The following SNTG1 variants were observed in gnomAD, a reference collection of about 807,000 sequenced individuals.
SNTG1 encodes gamma-1-syntrophin.
SNTG1 carries 39 observed loss-of-function variants against 74.7 expected under a neutral mutation model. The ratio of observed to expected loss-of-function variants is 0.52; its 90% CI spans 0.40 to 0.68. The LOEUF is 0.68. Among genes scored for constraint, SNTG1 ranks in the 30% least tolerant of loss-of-function variants. The pLI, the probability that SNTG1 is intolerant of heterozygous loss-of-function variation, is 0.00. For synonymous variants in SNTG1, 254 were observed against 217.1 expected (o/e 1.17, Z -1.49); for missense variants, 685 against 609.5 (o/e 1.12, Z -1.30).
At chr8:49,957,336 A>AT (rs1266881160) in intron 1 of SNTG1, among the ~76,000 whole-genome samples, 1 of 152,240 alleles carries the variant, frequency 6.6e-6, no homozygotes, top group Non-Finnish European at 1.5e-5. Flanking sequence ...TACATAGAGT[A>AT]TATTTCTTCT....
intron 13 of SNTG1, among the ~76,000 whole-genome samples, chr8:50,637,820 T>C (rs2095048765): frequency 6.6e-6 from 1 of 152,122 alleles, no homozygotes; most frequent in Non-Finnish European, 1.5e-5. Flanking sequence ...TATTATTTTA[T>C]TGTTCAATTA....
At chr8:50,769,247 A>G (rs2095621395) in intron 18 of SNTG1, among the ~76,000 whole-genome samples, 1 of 151,952 alleles carries the variant, frequency 6.6e-6, no homozygotes, top group Non-Finnish European at 1.5e-5. Context: ...AACTGCCTCC[A>G]AAATAGTAGC....
intron 1 of SNTG1, among the ~76,000 whole-genome samples, chr8:50,121,998 A>T (rs1464429057): frequency 7.1e-6 from 1 of 141,446 alleles, no homozygotes; most frequent in East Asian, 2.0e-4. Flanking sequence ...CTGGGAAAAA[A>T]CCCAAGTGAA....
At chr8:50,409,745 C>A (rs1394070198) in intron 4 of SNTG1, among the ~76,000 whole-genome samples, 1 of 152,124 alleles carries the variant, frequency 6.6e-6, no homozygotes, top group Non-Finnish European at 1.5e-5. Context: ...TTAAATTTAG[C>A]CTGTGCTAGT....
At chr8:50,559,042 G>A (rs2094472375) in intron 12 of SNTG1, among the ~76,000 whole-genome samples, 1 of 152,116 alleles carries the variant, frequency 6.6e-6, no homozygotes, top group Non-Finnish European at 1.5e-5. Flanking sequence ...GTGATGCTGA[G>A]GTTTAGAGTA....
At chr8:50,246,869 T>C (rs867686670) in intron 2 of SNTG1, among the ~76,000 whole-genome samples, 27 of 152,172 alleles carry the variant, frequency 1.8e-4, no homozygotes, top group African/African-American at 6.5e-4. Context: ...TTTTAGCCAT[T>C]GCTTCAATTG....
chr8:50,059,180 G>A (rs1454050589), intron 1 of SNTG1, among the ~76,000 whole-genome samples: 1 of 151,762 alleles, frequency 6.6e-6, no homozygotes, highest in East Asian at 1.9e-4. Context: ...CTACTTTTTG[G>A]CTTTTATGAA....
At chr8:49,932,232 TA>T (rs1433906858) in intron 1 of SNTG1, among the ~76,000 whole-genome samples, 2 of 152,274 alleles carry the variant, frequency 1.3e-5, no homozygotes, top group Admixed American at 6.5e-5. Flanking sequence ...TAAAACATAG[TA>T]AGTGCTCAAA....
At chr8:50,099,152 T>C (rs1346274305) in intron 1 of SNTG1, among the ~76,000 whole-genome samples, 2 of 152,134 alleles carry the variant, frequency 1.3e-5, no homozygotes, top group Admixed American at 1.3e-4. Context: ...TGGAGAGCTA[T>C]TTGGGAACAG....
chr8:50,371,312 A>G (rs2092263967), intron 2 of SNTG1, among the ~76,000 whole-genome samples: 1 of 152,154 alleles, frequency 6.6e-6, no homozygotes, highest in Non-Finnish European at 1.5e-5. Context: ...ATCATCCAAT[A>G]AATAAGTCAT....
rs1491418034 is a variant in SNTG1 at position 50,668,497 on chromosome 8, T to TTAC, written c.1038+9836_1038+9837insCTA. On this transcript the variant is annotated intron_variant, in intron 15 of 18. Transcript: ENST00000642720. ...ACCTATGTTCTTCATCTTTCGCACA[T>TTAC]TATTATTATTATTATTATTATTATT... Among the ~76,000 whole-genome samples the TTAC allele has an allele frequency of 2.5e-4, 3 of 11,888 alleles. No homozygotes were observed. The East Asian group carries it at 6.4e-3, about 25-fold the overall frequency. The allele number at this position is 11,888 out of a possible 152,430, so 7.8% of individuals were successfully genotyped here. A position where few individuals can be genotyped will look rare whatever the true frequency, so the allele number is the denominator to read the frequency against.
intron 17 of SNTG1, 184 bp downstream of exon 17, chr8:50,709,162 CAT>C: frequency 1.7e-6 from 1 of 576,132 alleles, no homozygotes; most frequent in Non-Finnish European, 3.1e-6. Flanking sequence ...TTTAATAAAA[CAT>C]ATGTAGTACC....
At chr8:50,563,202 T>C (rs939355641) in intron 12 of SNTG1, among the ~76,000 whole-genome samples, 6 of 152,166 alleles carry the variant, frequency 3.9e-5, no homozygotes, top group African/African-American at 1.4e-4. Flanking sequence ...ACACAGCAAC[T>C]ACTGCCTGTA....
chr8:50,227,894 T>C (rs1343337673), intron 2 of SNTG1, among the ~76,000 whole-genome samples: 4 of 113,066 alleles, frequency 3.5e-5, no homozygotes, highest in African/African-American at 9.8e-5. Flanking sequence ...ACGTCCAGCC[T>C]CCAAAAAAAA....
At chr8:50,574,621 A>G (rs1170309567) in intron 12 of SNTG1, among the ~76,000 whole-genome samples, 1 of 152,124 alleles carries the variant, frequency 6.6e-6, no homozygotes, top group Non-Finnish European at 1.5e-5. Context: ...TTCATATGTG[A>G]TCATAAACAC....
intron 15 of SNTG1, among the ~76,000 whole-genome samples, chr8:50,698,334 T>C: frequency 6.6e-6 from 1 of 152,146 alleles, no homozygotes; most frequent in Non-Finnish European, 1.5e-5. Flanking sequence ...CTCACCACCT[T>C]CTCAACTTTG....
intron 4 of SNTG1, among the ~76,000 whole-genome samples, chr8:50,425,912 C>A (rs779108377): frequency 9.2e-5 from 14 of 152,076 alleles, no homozygotes; most frequent in South Asian, 2.1e-4. Flanking sequence ...GTTTTATATT[C>A]TTCTGTAAAT....
chr8:50,214,768 T>C (rs1026850273), intron 2 of SNTG1, among the ~76,000 whole-genome samples: 8 of 151,984 alleles, frequency 5.3e-5, no homozygotes, highest in Non-Finnish European at 8.8e-5. Context: ...GTTGGACACT[T>C]AAAATAAAAA....
chr8:50,208,797 AG>A (rs1210865331), intron 2 of SNTG1, among the ~76,000 whole-genome samples: 2 of 152,184 alleles, frequency 1.3e-5, no homozygotes, highest in Non-Finnish European at 2.9e-5. Flanking sequence ...ATGGCCAGAT[AG>A]GAACAGCTCC....
Sources: allele counts gnomAD v4.1 joint callset (sites outside exome capture counted in the v4.1 genomes callset), GRCh38; gene constraint gnomAD v4.1.1; transcripts MANE v1.5; gene names NCBI Gene and HGNC (gene_info 2026-07-23, HGNC 2026-07-21).